Variants in CLIP1 observed in about 807,000 individuals in gnomAD.
CLIP1 encodes the protein CAP-Gly domain containing linker protein 1, also known as CAP-Gly domain-containing linker protein 1.
Under a neutral mutation model 161.6 loss-of-function variants are expected in CLIP1, and 66 were observed. The ratio of observed to expected loss-of-function variants is 0.41; its 90% CI spans 0.33 to 0.50. The LOEUF (loss-of-function observed/expected upper bound fraction) is 0.50. Among genes scored for constraint, CLIP1 ranks in the 20% least tolerant of loss-of-function variants. The pLI is 0.27. For missense variants in CLIP1, 1,376 were observed against 1,702.0 expected, an observed-to-expected ratio of 0.81 and a Z score of 3.37; for synonymous variants, 598 against 626.2, an observed-to-expected ratio of 0.96 and a Z score of 0.67.
rs769923304 is a variant in CLIP1, at chr12:122,340,877, A to G, written c.2327T>C (p.Leu776Pro). 1 of 1,614,226 alleles carries G rather than the reference A, an allele frequency of 6.2e-7. No individual in the cohort carries two copies. Among genetic ancestry groups the G allele is most frequent in the Non-Finnish European group, 8.5e-7 (1 of 1,180,040 alleles). Residue 776 changes from leucine (L) to proline (P), a missense_variant, in exon 11 of 26, where the codon CTT becomes CCT. Coordinates refer to ENST00000620786, the MANE Select transcript of CLIP1 (RefSeq NM_001247997.2). ...GGAACTGGCTTTCCGAAGTGCATCA[A>G]GATCCAAGAGCTTTTCTTCAGTAGC... ...LKATEEKLLD[L>P]DALRKASSEG...
intron 9 of CLIP1, among the ~76,000 whole-genome samples, chr12:122,350,283 T>C (rs1314042106): frequency 2.6e-5 from 4 of 152,148 alleles, no homozygotes; most frequent in African/African-American, 4.8e-5. Context: ...TTCCGTCTTA[T>C]GTGGCAGTAA....
intron 20 of CLIP1, among the ~76,000 whole-genome samples, chr12:122,305,918 A>G (rs181474474): frequency 1.3e-5 from 2 of 151,686 alleles, no homozygotes; most frequent in Admixed American, 1.3e-4. Context: ...AATACAATAA[A>G]TTAGCCAGGC....
At position 122,272,230 on chromosome 12, in the gene CLIP1, G is replaced by C. The variant is rs1177120370; in HGVS notation, c.*645C>G. 6.6e-6 allele frequency: 1 copy of C among 152,642 alleles called. No individual in the cohort carries two copies. Among genetic ancestry groups the C allele is most frequent in the African/African-American group, 2.4e-5 (1 of 41,448 alleles). The allele number at this position is 152,642 out of a possible 1,614,324, so 9.5% of individuals were successfully genotyped here. On this transcript the variant is annotated 3_prime_UTR_variant, in exon 26 of 26. Coordinates refer to ENST00000620786, the MANE Select transcript of CLIP1 (RefSeq NM_001247997.2). Reference sequence around the variant, plus strand: ...AACAAAACACCACAGTAGATTAAGTGGGTGCAGCATATAGATTATAAAATG... The same window carrying C: ...AACAAAACACCACAGTAGATTAAGTCGGTGCAGCATATAGATTATAAAATG...
chr12:122,304,913 C>G (rs1362280518), intron 20 of CLIP1, among the ~76,000 whole-genome samples: 3 of 152,204 alleles, frequency 2.0e-5, no homozygotes, highest in Non-Finnish European at 4.4e-5. Context: ...CCTTTCTAAG[C>G]ATTCATGTCT....
chr12:122,337,215 A>T (rs1952269730), intron 11 of CLIP1, among the ~76,000 whole-genome samples: 1 of 152,030 alleles, frequency 6.6e-6, no homozygotes, highest in African/African-American at 2.4e-5. Context: ...TGGGAGGCTG[A>T]GGCAAGTGGA....
chr12:122,357,539 C>T (rs1224739305), intron 5 of CLIP1, among the ~76,000 whole-genome samples: 1 of 147,134 alleles, frequency 6.8e-6, no homozygotes, highest in Admixed American at 6.7e-5. Context: ...GGCCAGCCGC[C>T]CCGTCCGGGA....
chr12:122,362,476 A>G (rs1283025966), intron 4 of CLIP1, among the ~76,000 whole-genome samples: 1 of 150,596 alleles, frequency 6.6e-6, no homozygotes, highest in African/African-American at 2.4e-5. Context: ...CCCAGTCTCT[A>G]CTAAAAATAC....
chr12:122,324,049 G>A (rs191524622), intron 17 of CLIP1: 1 of 152,692 alleles, frequency 6.5e-6, no homozygotes, highest in Non-Finnish European at 1.5e-5. Flanking sequence ...GTACAACATT[G>A]ATTTCTTTAA....
At chr12:122,398,397 C>G (rs1013022877) in intron 1 of CLIP1, among the ~76,000 whole-genome samples, 2 of 150,490 alleles carry the variant, frequency 1.3e-5, no homozygotes. Flanking sequence ...TGCACTCCAG[C>G]CTGGGCGACA....
chr12:122,382,068 T>C (rs538088369), intron 1 of CLIP1, among the ~76,000 whole-genome samples: 185 of 152,078 alleles, frequency 1.2e-3, no homozygotes, highest in Middle Eastern at 6.8e-3. Context: ...CTCCTAAAAA[T>C]ACAAAAATTA....
intron 13 of CLIP1, 30 bp downstream of exon 13, chr12:122,334,618 G>A: frequency 1.3e-6 from 2 of 1,492,506 alleles, no homozygotes; most frequent in South Asian, 1.2e-5. Flanking sequence ...ATTTTTTAAA[G>A]CAATCTGCAC....
At chr12:122,298,376 A>G (rs1409634491) in intron 20 of CLIP1, among the ~76,000 whole-genome samples, 1 of 152,094 alleles carries the variant, frequency 6.6e-6, no homozygotes. Flanking sequence ...TGGGAGGCCG[A>G]GGCGGGTGGA....
chr12:122,298,596 CAAAA>C (rs58917162), intron 20 of CLIP1, among the ~76,000 whole-genome samples: 5 of 62,066 alleles, frequency 8.1e-5, no homozygotes, highest in African/African-American at 5.1e-5. Context: ...CACTCTGTCT[CAAAA>C]AAAAAAAAAA....
intron 1 of CLIP1, among the ~76,000 whole-genome samples, chr12:122,405,543 C>G (rs191933310): frequency 4.6e-5 from 7 of 152,130 alleles, no homozygotes; most frequent in African/African-American, 1.7e-4. Context: ...AATCCCAGCA[C>G]TTTGGGAGGC....
chr12:122,404,914 AAAC>A (rs1566237466), intron 1 of CLIP1, among the ~76,000 whole-genome samples: 31 of 149,834 alleles, frequency 2.1e-4, no homozygotes, highest in African/African-American at 7.6e-4. Flanking sequence ...AAAAAAAACA[AAAC>A]AAAAAAAAAC....
intron 20 of CLIP1, among the ~76,000 whole-genome samples, chr12:122,306,479 G>T (rs766438047): frequency 1.3e-5 from 2 of 152,096 alleles, no homozygotes; most frequent in Non-Finnish European, 2.9e-5. Flanking sequence ...CCTACACGTC[G>T]TGCTCTATGA....
rs532099115 is a variant in CLIP1 at position 122,332,313 on chromosome 12, G to A, written c.2867+674C>T. ...TCCGTCTCAAAAAAAAAAAAAAAGC[G>A]TATATGTATATATACATCTATATAC... On this transcript the variant is annotated intron_variant, in intron 15 of 25. Transcript: ENST00000620786. 3.3e-5 allele frequency among the ~76,000 whole-genome samples: 5 copies of A among 150,176 alleles called. 1 individual carries two copies. In the East Asian group the frequency reaches 5.8e-4, roughly 18 times the overall value.
chr12:122,353,751 C>A (rs982106474), intron 7 of CLIP1, among the ~76,000 whole-genome samples: 2 of 152,104 alleles, frequency 1.3e-5, no homozygotes, highest in African/African-American at 2.4e-5. Context: ...CTGCCTCAGC[C>A]TCCCAAGTAG....
At chr12:122,352,994 T>TAAAAA (rs55873939) in intron 7 of CLIP1, among the ~76,000 whole-genome samples, 199 of 138,278 alleles carry the variant, frequency 1.4e-3, no homozygotes, top group Non-Finnish European at 2.3e-3. Flanking sequence ...TCCTTATATT[T>TAAAAA]AAAAAAAAAA....
Sources: allele counts gnomAD v4.1 joint callset (sites outside exome capture counted in the v4.1 genomes callset), GRCh38; gene constraint gnomAD v4.1.1; transcripts MANE v1.5; gene names NCBI Gene and HGNC (gene_info 2026-07-23, HGNC 2026-07-21).